Variants in SLC6A17 observed in about 807,000 individuals in gnomAD.
SLC6A17 encodes the protein sodium-dependent neutral amino acid transporter SLC6A17.
Under a neutral mutation model 64.5 loss-of-function variants are expected in SLC6A17, and 21 were observed. That is an observed-to-expected ratio of 0.33 (90% CI 0.23 to 0.47). SLC6A17 has a LOEUF of 0.47. Among genes scored for constraint, SLC6A17 ranks in the 20% least tolerant of loss-of-function variants. The probability of loss-of-function intolerance (pLI) is 1.00; values close to 1 mark genes in which losing one functional copy is unlikely to be tolerated. For synonymous variants in SLC6A17, 372 were observed against 399.5 expected (o/e 0.93, Z 0.82); for missense variants, 682 against 963.2 (o/e 0.71, Z 3.86).
intron 1 of SLC6A17, among the ~76,000 whole-genome samples, chr1:110,152,326 T>C (rs571501566): frequency 6.6e-6 from 1 of 152,194 alleles, no homozygotes; most frequent in African/African-American, 2.4e-5. Context: ...TCCCTGAAGC[T>C]CAGCCTGGAG....
intron 2 of SLC6A17, among the ~76,000 whole-genome samples, chr1:110,171,117 A>T (rs1450228478): frequency 6.6e-6 from 1 of 152,136 alleles, no homozygotes; most frequent in African/African-American, 2.4e-5. Context: ...ATGTTATGTT[A>T]TGGGGGCAGA....
chr1:110,195,918 G>A (rs1453059454), intron 10 of SLC6A17, among the ~76,000 whole-genome samples, 173 bp downstream of exon 10: 2 of 152,314 alleles, frequency 1.3e-5, no homozygotes, highest in South Asian at 2.1e-4. Flanking sequence ...ACTTGTCCAG[G>A]GAGAAACAGA....
At position 110,197,735 on chromosome 1, in the gene SLC6A17, A is replaced by G. The variant is rs577077480; in HGVS notation, c.1815+136A>G. ...CCAGGTGCCTCACACCTAAACCGCA[A>G]TCTTACAACAAGCCAAAGACAGAGG... On this transcript the variant is annotated intron_variant, in intron 11 of 11. Coordinates refer to ENST00000331565, the MANE Select transcript of SLC6A17 (RefSeq NM_001010898.4). 2.3e-5 allele frequency: 24 copies of G among 1,030,252 alleles called. No individual in the cohort carries two copies. The African/African-American group carries it at 3.5e-4, about 15-fold the overall frequency. The allele number at this position is 1,030,252 out of a possible 1,614,324, so 63.8% of individuals were successfully genotyped here.
In SLC6A17 at chr1:110,192,530, C is replaced by T; in HGVS notation, c.1131C>T (p.Tyr377=). The T allele has an allele frequency of 6.2e-7, 1 of 1,613,818 alleles. No homozygotes were observed. Among genetic ancestry groups the T allele is most frequent in the Non-Finnish European group, 8.5e-7 (1 of 1,179,858 alleles). ...GGAATGCTGAGAAAATCCTAGGGTA[C>T]CTTAACACCAACGTCCTGAGCCGGG... ...VVENAEKILG[Y]LNTNVLSRDL... The change falls in exon 8 of 12, where the codon TAC becomes TAT. Residue 377 remains tyrosine, a synonymous_variant. Coordinates refer to ENST00000331565, the MANE Select transcript of SLC6A17 (RefSeq NM_001010898.4). The surrounding 1 kb of genome is among the most constrained non-coding windows in gnomAD (Gnocchi z 4.3).
chr1:110,174,918 C>T lies in SLC6A17; in HGVS notation c.711C>T (p.Ile237=), dbSNP rs967683130. ...TGTGCCTCCTCGTGGCCTGGAGCAT[C>T]GTGGGGATGGCTGTCGTTAAGGGCA... ...MTLCLLVAWS[I]VGMAVVKGIQ... Residue 237 remains isoleucine, a synonymous_variant, in exon 5 of 12, where the codon ATC becomes ATT. Transcript: ENST00000331565. 16 of 1,614,006 alleles carry T rather than the reference C, an allele frequency of 9.9e-6. 1 individual carries two copies. The highest frequency in any genetic ancestry group is 5.0e-5 in the Admixed American group (3 of 60,000).
At chr1:110,184,757 A>G (rs756433472) in intron 6 of SLC6A17, among the ~76,000 whole-genome samples, 22 of 152,196 alleles carry the variant, frequency 1.4e-4, no homozygotes, top group Non-Finnish European at 2.8e-4. Flanking sequence ...AAAGAGGAAC[A>G]CACCCACACA....
At chr1:110,150,907 C>T (rs1295857087) in intron 1 of SLC6A17, 24 bp downstream of exon 1, 1 of 152,242 alleles carries the variant, frequency 6.6e-6, no homozygotes, top group Non-Finnish European at 1.5e-5. Context: ...CGCGCCCCGC[C>T]TGGCTTTACC....
At chr1:110,159,428 C>T (rs1655843554) in intron 1 of SLC6A17, among the ~76,000 whole-genome samples, 2 of 152,222 alleles carry the variant, frequency 1.3e-5, no homozygotes, top group Admixed American at 1.3e-4. Context: ...TGCCCCCTTT[C>T]CTGCTTCCCT....
chr1:110,177,386 G>C (rs576562961), intron 6 of SLC6A17, among the ~76,000 whole-genome samples: 1 of 152,218 alleles, frequency 6.6e-6, no homozygotes, highest in Admixed American at 6.5e-5. Context: ...TTTCACAAAG[G>C]GTGCAGCAGA....
At chr1:110,162,762 T>C (rs1000797857) in intron 1 of SLC6A17, among the ~76,000 whole-genome samples, 1 of 151,974 alleles carries the variant, frequency 6.6e-6, no homozygotes, top group Admixed American at 6.6e-5. Context: ...CACTGGGGTA[T>C]GAATTGAATG....
At chr1:110,150,990 CG>C (rs1331815141) in intron 1 of SLC6A17, 107 bp downstream of exon 1, 1 of 152,204 alleles carries the variant, frequency 6.6e-6, no homozygotes, top group Non-Finnish European at 1.5e-5. Flanking sequence ...AGGTGTGAGG[CG>C]GCGCTGCCCC....
At chr1:110,160,089 TTCTC>T (rs1346684823) in intron 1 of SLC6A17, among the ~76,000 whole-genome samples, 1 of 152,232 alleles carries the variant, frequency 6.6e-6, no homozygotes, top group Non-Finnish European at 1.5e-5. Context: ...TTCTTTCTCT[TTCTC>T]CTTCCATCCA....
chr1:110,178,811 CCTCCCAAAGACCCCCACCT>C (rs1656438914), intron 6 of SLC6A17: 1 of 152,198 alleles, frequency 6.6e-6, no homozygotes, highest in Non-Finnish European at 1.5e-5. Context: ...GACCTAATCA[CCTCCCAAAGACCCCCACCT>C]CTTAATCTAT....
intron 5 of SLC6A17, 86 bp downstream of exon 5, chr1:110,175,046 C>G: frequency 6.7e-7 from 1 of 1,492,588 alleles, no homozygotes; most frequent in Non-Finnish European, 9.0e-7. Flanking sequence ...CCAGGCTGCC[C>G]TTTGCAGGGT....
At chr1:110,161,970 G>A (rs140870059) in intron 1 of SLC6A17, among the ~76,000 whole-genome samples, 4 of 152,288 alleles carry the variant, frequency 2.6e-5, no homozygotes, top group Non-Finnish European at 4.4e-5. Context: ...AAGAAGATTC[G>A]CAGTTCACTT....
chr1:110,178,751 T>C (rs1656436398), intron 6 of SLC6A17: 2 of 152,268 alleles, frequency 1.3e-5, no homozygotes, highest in Admixed American at 6.5e-5. Context: ...GGGAGCTCAC[T>C]TGAGCCTCTT....
chr1:110,178,178 A>T (rs1369463109), intron 6 of SLC6A17: 2 of 152,254 alleles, frequency 1.3e-5, no homozygotes. Flanking sequence ...TAAAACGTTC[A>T]CTTCAGTTTT....
In SLC6A17 at chr1:110,167,072, A is replaced by G. The variant is rs752452451; in HGVS notation, c.143A>G (p.Gln48Arg). 1.9e-6 allele frequency: 3 copies of G among 1,610,708 alleles called. No individual in the cohort carries two copies. The highest frequency in any genetic ancestry group is 1.3e-5 in the African/African-American group (1 of 74,556). ...LNVAGEAGGK[Q>R]KAVEEELDAE... ...GTGGCTGGTGAGGCAGGCGGCAAGC[A>G]GAAGGCGGTGGAGGAGGAGCTGGAT... Residue 48 changes from glutamine (Q) to arginine (R), a missense_variant, in exon 2 of 12, where the codon CAG becomes CGG. Around this residue, in one of 3 missense-constraint regions of SLC6A17, gnomAD observed 415 missense variants for 603.8 expected, o/e 0.69. Coordinates refer to ENST00000331565, the MANE Select transcript of SLC6A17 (RefSeq NM_001010898.4).
At chr1:110,183,888 G>A (rs1166231040) in intron 6 of SLC6A17, among the ~76,000 whole-genome samples, 1 of 152,138 alleles carries the variant, frequency 6.6e-6, no homozygotes, top group East Asian at 1.9e-4. Context: ...CTAAGGAGGA[G>A]TGAGTGTGAA....
Sources: allele counts gnomAD v4.1 joint callset (sites outside exome capture counted in the v4.1 genomes callset), GRCh38; gene constraint gnomAD v4.1.1; regional missense constraint gnomAD v4.1.1; non-coding constraint Gnocchi (gnomAD v3.1); transcripts MANE v1.5; gene names NCBI Gene and HGNC (gene_info 2026-07-23, HGNC 2026-07-21).